The following INTS10 variants were observed in gnomAD, a reference collection of about 807,000 sequenced individuals.
INTS10 encodes the protein chromosome 8 open reading frame 35.
In INTS10, 44 loss-of-function variants were observed where a neutral mutation model predicts 94.4. The ratio of observed to expected loss-of-function variants is 0.47; its 90% CI spans 0.37 to 0.60. The LOEUF (loss-of-function observed/expected upper bound fraction) is 0.60. Among genes scored for constraint, INTS10 ranks in the 20% least tolerant of loss-of-function variants. The pLI is 0.00. For missense variants in INTS10, 797 were observed against 868.7 expected (o/e 0.92, Z 1.04); for synonymous variants, 341 against 320.7 (o/e 1.06, Z -0.68).
chr8:19,823,506 C>T (rs2066551903), intron 6 of INTS10, 65 bp downstream of exon 6: 1 of 1,095,636 alleles, frequency 9.1e-7, no homozygotes, highest in Non-Finnish European at 1.4e-6. Context: ...ATTCAGAAAC[C>T]CCTCAATGTT....
At chr8:19,817,803 C>G (rs1435062602) in intron 1 of INTS10, 137 bp downstream of exon 1, 1 of 1,123,256 alleles carries the variant, frequency 8.9e-7, no homozygotes, top group African/African-American at 1.6e-5. Context: ...CCCTCCCACC[C>G]CCTCCTCTCT....
intron 2 of INTS10, 58 bp from the exon 3 acceptor site, chr8:19,819,515 C>G (rs990604644): frequency 1.4e-5 from 18 of 1,327,964 alleles, no homozygotes; most frequent in African/African-American, 3.0e-5. Flanking sequence ...AACGTTTTTT[C>G]TTTTGGATAC....
At chr8:19,845,960 C>G (rs1436081316) in intron 16 of INTS10, 163 bp downstream of exon 16, 3 of 503,926 alleles carry the variant, frequency 6.0e-6, no homozygotes, top group Admixed American at 3.2e-5. Flanking sequence ...GAAAAACTTG[C>G]ATTTCCTTAA....
chr8:19,841,867 T>C (rs1216648317), intron 13 of INTS10: 7 of 455,180 alleles, frequency 1.5e-5, no homozygotes, highest in Non-Finnish European at 8.8e-6. Flanking sequence ...TTTAATGAGA[T>C]AGAATTCAAT....
chr8:19,843,512 A>T lies in INTS10; in HGVS notation c.1720-564A>T, dbSNP rs1277436105. ...GTAACTCCCACTTAACTCATCATCC[A>T]TATCACTTTTTTAGGGCAACAAAAA... On this transcript the variant is annotated intron_variant, in intron 14 of 16. Transcript: ENST00000397977. The surrounding 1 kb of genome is among the most constrained non-coding windows in gnomAD (Gnocchi z 4.7). Among the ~76,000 whole-genome samples, 2 of 152,196 alleles carry T rather than the reference A, an allele frequency of 1.3e-5. No individual in the cohort carries two copies. The highest frequency in any genetic ancestry group is 2.9e-5 in the Non-Finnish European group (2 of 68,042).
chr8:19,849,152 T>G lies in INTS10; in HGVS notation c.1977-2497T>G. The G allele has an allele frequency of 7.8e-7, 1 of 1,285,508 alleles. No homozygotes were observed. The highest frequency in any genetic ancestry group is 1.2e-5 in the South Asian group (1 of 80,932). 79.6% of individuals were successfully genotyped at this position (1,285,508 alleles called of 1,614,324 possible). On this transcript the variant is annotated intron_variant, in intron 16 of 16. Transcript: ENST00000397977. This position sits in a 1 kb window ranked among gnomAD's most constrained non-coding sequence, Gnocchi z 4.6. ...GGTGTTTGAATGCTGCTGTTTGCTG[T>G]TTTTTAAAGGCCTTCTAGCCCTCCC... is the stretch of plus-strand genomic sequence containing the variant.
At chr8:19,818,562 TTC>T (rs2066122395) in intron 2 of INTS10, 1 of 553,932 alleles carries the variant, frequency 1.8e-6, no homozygotes, top group African/African-American at 1.9e-5. Context: ...TTGTTAAAAC[TTC>T]TGTTTCATAA....
At chr8:19,826,184 A>G (rs966142097) in intron 8 of INTS10, among the ~76,000 whole-genome samples, 2 of 152,114 alleles carry the variant, frequency 1.3e-5, no homozygotes, top group Non-Finnish European at 2.9e-5. Context: ...GGTTCAAGCA[A>G]TTCTCCTGCC....
chr8:19,822,716 C>T (rs1342637292), intron 5 of INTS10, among the ~76,000 whole-genome samples, 196 bp downstream of exon 5: 1 of 151,756 alleles, frequency 6.6e-6, no homozygotes, highest in Non-Finnish European at 1.5e-5. Flanking sequence ...CTTAAGGAGG[C>T]CAAGGTGGGT....
chr8:19,817,675 C>A lies in INTS10; in HGVS notation c.129+9C>A. On this transcript the variant is annotated intron_variant, in intron 1 of 16. Transcript: ENST00000397977. ...CAGACTTTAACATCCAGGTGAGGTCCCGGCTGTGCATGCGGCCGCTCTGCG... is the reference window on the plus strand; with the variant it reads ...CAGACTTTAACATCCAGGTGAGGTCACGGCTGTGCATGCGGCCGCTCTGCG... 1.2e-6 allele frequency: 2 copies of A among 1,601,738 alleles called. No homozygotes were observed. Among genetic ancestry groups the A allele is most frequent in the Non-Finnish European group, 1.7e-6 (2 of 1,175,080 alleles).
chr8:19,824,113 T>C (rs2066607314), intron 7 of INTS10, 69 bp downstream of exon 7: 7 of 1,353,846 alleles, frequency 5.2e-6, no homozygotes, highest in Non-Finnish European at 7.1e-6. Flanking sequence ...AAAATCATGC[T>C]TTTTAAATCT....
intron 1 of INTS10, 153 bp from the exon 2 acceptor site, chr8:19,818,122 T>A: frequency 5.4e-6 from 4 of 743,504 alleles, no homozygotes; most frequent in Non-Finnish European, 9.6e-6. Flanking sequence ...CTAAGCCCAA[T>A]GGCAAGTCTG....
intron 8 of INTS10, among the ~76,000 whole-genome samples, chr8:19,825,244 A>T (rs1019709969): frequency 6.6e-6 from 1 of 152,242 alleles, no homozygotes; most frequent in African/African-American, 2.4e-5. Flanking sequence ...AAATAACAGC[A>T]GGCTGGGCGC....
chr8:19,823,937 A>G lies in INTS10; in HGVS notation c.729A>G (p.Glu243=). 1 of 1,613,768 alleles carries G rather than the reference A, an allele frequency of 6.2e-7. No individual in the cohort carries two copies. The highest frequency in any genetic ancestry group is 8.5e-7 in the Non-Finnish European group (1 of 1,179,768). The change falls in exon 7 of 17, where the codon GAA becomes GAG. Residue 243 remains glutamate (E), a synonymous_variant. Coordinates refer to ENST00000397977, the MANE Select transcript of INTS10 (RefSeq NM_018142.4). ...GTAGCTCTCAGAAGTACATAATAGA[A>G]GGGCTGACGGAAAAATCATCCCAGA... ...SKRSSQKYII[E]GLTEKSSQIV...
At position 19,833,410 on chromosome 8, in the gene INTS10, A is replaced by C. The variant is rs1000262678; in HGVS notation, c.1530+89A>C. On this transcript the variant is annotated intron_variant, in intron 12 of 16. Transcript: ENST00000397977. ...CCTAGCGTGGCTTTTCATTCAGTGC[A>C]CGTTTATTTCAATTTGATCTTTCTG... 54 of 891,472 alleles carry C rather than the reference A, an allele frequency of 6.1e-5. 1 individual carries two copies. The highest frequency in any genetic ancestry group is 7.6e-5 in the Non-Finnish European group (49 of 643,568). 55.2% of individuals were successfully genotyped at this position (891,472 alleles called of 1,614,324 possible). A position where few individuals can be genotyped will look rare whatever the true frequency, so the allele number is the denominator to read the frequency against.
intron 11 of INTS10, among the ~76,000 whole-genome samples, chr8:19,832,875 A>G (rs1485724411): frequency 6.6e-6 from 1 of 152,228 alleles, no homozygotes; most frequent in African/African-American, 2.4e-5. Context: ...GAAATGTTAT[A>G]TCCAAATGTG....
At chr8:19,824,204 A>G (rs1273546020) in intron 7 of INTS10, 160 bp downstream of exon 7, 11 of 557,458 alleles carry the variant, frequency 2.0e-5, no homozygotes, top group Non-Finnish European at 2.2e-5. Context: ...TTATCAAAAC[A>G]TTTCTGACTG....
chr8:19,817,946 C>T (rs1459868416), intron 1 of INTS10, among the ~76,000 whole-genome samples: 3 of 152,176 alleles, frequency 2.0e-5, no homozygotes, highest in African/African-American at 7.2e-5. Flanking sequence ...CCCTGGGGCT[C>T]AGCGTGCCAT....
At chr8:19,827,109 G>T (rs1254330371) in intron 9 of INTS10, among the ~76,000 whole-genome samples, 1 of 152,184 alleles carries the variant, frequency 6.6e-6, no homozygotes, top group Non-Finnish European at 1.5e-5. Context: ...TTGGGAGGTA[G>T]ATTTTGTTGA....
Sources: gnomAD v4.1 joint callset for allele counts (sites outside exome capture counted in the v4.1 genomes callset) on GRCh38, gnomAD v4.1.1 for gene constraint, Gnocchi (gnomAD v3.1) non-coding constraint, MANE v1.5 for transcripts, NCBI Gene and HGNC (gene_info 2026-07-23, HGNC 2026-07-21) for gene names.